CEP152: variants seen among roughly 807,000 people sequenced by gnomAD.
The protein encoded by CEP152 is centrosomal protein of 152 kDa.
A neutral mutation model predicts 188.9 loss-of-function variants in CEP152; 132 were observed. That is an observed-to-expected ratio of 0.70 (90% CI 0.61 to 0.81). CEP152 has a LOEUF of 0.81. Ranked by LOEUF, CEP152 falls within the 30% of genes least tolerant of loss-of-function variation. CEP152 has a pLI of 0.00. For synonymous variants in CEP152, 649 were observed against 666.6 expected (o/e 0.97, Z 0.41); for missense variants, 1,914 against 1,969.8 (o/e 0.97, Z 0.54).
intron 2 of CEP152, among the ~76,000 whole-genome samples, chr15:48,731,190 G>A (rs1385468890): frequency 2.6e-5 from 4 of 152,146 alleles, no homozygotes; most frequent in East Asian, 1.9e-4. Flanking sequence ...AGATGAAAAC[G>A]TTCTAGAGAT....
intron 7 of CEP152, among the ~76,000 whole-genome samples, chr15:48,792,882 T>A: frequency 6.6e-6 from 1 of 152,014 alleles, no homozygotes; most frequent in East Asian, 1.9e-4. Context: ...AATGGCGCTT[T>A]CTCGGCTCAC....
intron 21 of CEP152, among the ~76,000 whole-genome samples, chr15:48,751,089 T>C (rs1388751366): frequency 6.6e-6 from 1 of 152,208 alleles, no homozygotes; most frequent in Non-Finnish European, 1.5e-5. Context: ...CCAACAGTGG[T>C]ACTCTCTGGT....
chr15:48,754,418 C>T (rs1261107202), intron 20 of CEP152, among the ~76,000 whole-genome samples: 1 of 152,082 alleles, frequency 6.6e-6, no homozygotes, highest in Non-Finnish European at 1.5e-5. Context: ...TCGAAACATG[C>T]TTACAAACGA....
chr15:48,760,284 A>C lies in CEP152; in HGVS notation c.2563-18T>G. The C allele has an allele frequency of 6.2e-7, 1 of 1,613,844 alleles. No individual in the cohort carries two copies. The highest frequency in any genetic ancestry group is 8.5e-7 in the Non-Finnish European group (1 of 1,179,840). ...ATTTCTACCTGTAGGACATTGCAAA[A>C]GAAAGAGGTAAAGGGAAGTATAAAA... is the stretch of plus-strand genomic sequence containing the variant. On this transcript the variant is annotated intron_variant, in intron 18 of 26. Transcript: ENST00000380950.
chr15:48,795,488 T>G (rs1184890450), intron 6 of CEP152, among the ~76,000 whole-genome samples: 2 of 152,164 alleles, frequency 1.3e-5, no homozygotes, highest in Non-Finnish European at 2.9e-5. Flanking sequence ...CAAAAAAATA[T>G]ATAAAGTTCA....
chr15:48,752,361 C>G lies in CEP152; in HGVS notation c.3454G>C (p.Glu1152Gln). 6.2e-7 allele frequency: 1 copy of G among 1,614,062 alleles called. No homozygotes were observed. ...AAAATCCAATTACCAGCTTCTGCTTCTGTTGCTTGTAAGGCCAAGGGCTGA... is the reference window on the plus strand; with the variant it reads ...AAAATCCAATTACCAGCTTCTGCTTGTGTTGCTTGTAAGGCCAAGGGCTGA... ...HAQPLALQAT[E>Q]AEADKKKVLE... The change falls in exon 21 of 27, where the codon GAA (glutamate) becomes CAA (glutamine). Residue 1152 changes from glutamate (E) to glutamine (Q), a missense_variant. Physicochemically the swap from Glu to Gln is conservative, Grantham distance 29. Transcript: ENST00000380950.
intron 21 of CEP152, among the ~76,000 whole-genome samples, chr15:48,751,883 A>C (rs1893900142): frequency 6.6e-6 from 1 of 152,106 alleles, no homozygotes; most frequent in South Asian, 2.1e-4. Context: ...TTAATTCATC[A>C]CTCTGCCATA....
At chr15:48,753,200 G>T (rs759392486) in intron 20 of CEP152, among the ~76,000 whole-genome samples, 34 of 152,226 alleles carry the variant, frequency 2.2e-4, no homozygotes, top group Admixed American at 1.0e-3. Flanking sequence ...GGGCATTGGC[G>T]CGATCTCAGC....
At chr15:48,760,689 C>A (rs1894617099) in intron 18 of CEP152, among the ~76,000 whole-genome samples, 1 of 152,046 alleles carries the variant, frequency 6.6e-6, no homozygotes, top group African/African-American at 2.4e-5. Flanking sequence ...ATACACTGAT[C>A]TAGTTTAGAG....
chr15:48,736,662 T>C (rs1195599536), downstream of CEP152, among the ~76,000 whole-genome samples: 2 of 152,212 alleles, frequency 1.3e-5, no homozygotes, highest in African/African-American at 2.4e-5. Flanking sequence ...CAATTGGATA[T>C]AGGATGTATG....
At chr15:48,748,861 A>C (rs1320988094) in intron 21 of CEP152, among the ~76,000 whole-genome samples, 1 of 152,040 alleles carries the variant, frequency 6.6e-6, no homozygotes, top group African/African-American at 2.4e-5. Flanking sequence ...TCTACTTTAA[A>C]AATAGTCATG....
chr15:48,788,704 A>G (rs972660781), intron 9 of CEP152, 97 bp downstream of exon 9: 9 of 1,174,746 alleles, frequency 7.7e-6, no homozygotes, highest in Non-Finnish European at 1.1e-5. Flanking sequence ...TACTACAAAC[A>G]TCCAAGACTT....
At position 48,797,375 on chromosome 15, in the gene CEP152, C is replaced by G; in HGVS notation, c.466G>C (p.Gly156Arg). 11 of 1,613,992 alleles carry G rather than the reference C, an allele frequency of 6.8e-6. No individual in the cohort carries two copies. The highest frequency in any genetic ancestry group is 8.5e-6 in the Non-Finnish European group (10 of 1,179,936). Residue 156 changes from glycine to arginine, a missense_variant, in exon 5 of 27, where the codon GGT (glycine) becomes CGT (arginine). Transcript: ENST00000380950. ...TGGTTATTAAATTCCTGCTTCTGAC[C>G]ATTGGTATATGGCCTAAAGTTTTCA... ...LPENFRPYTN[G>R]QKQEFNNQAT...
chr15:48,738,872 T>A lies in CEP152; in HGVS notation c.4510A>T (p.Asn1504Tyr), dbSNP rs374971886. ...GGGGTACATCTAGGTGAGGGTTTAT[T>A]TCCTAAGGTTCCAAGAAAGGGGTAT... ...AAYPFLGTLG[N>Y]KPSPRCTPGP... The change falls in exon 27 of 27, where the codon AAT becomes TAT. Residue 1504 changes from asparagine (N) to tyrosine (Y), a missense_variant. By Grantham distance (143) the Asn-to-Tyr change is moderately radical. Transcript: ENST00000380950. 6 of 1,614,112 alleles carry A rather than the reference T, an allele frequency of 3.7e-6. No homozygotes were observed. Among genetic ancestry groups the A allele is most frequent in the Admixed American group, 1.7e-5 (1 of 60,010 alleles).
intron 12 of CEP152, among the ~76,000 whole-genome samples, chr15:48,780,008 T>C (rs571387800): frequency 1.8e-4 from 27 of 152,344 alleles, no homozygotes; most frequent in Non-Finnish European, 7.3e-5. Flanking sequence ...CATAGTTTTC[T>C]CCTTGCTAAG....
At position 48,796,034 on chromosome 15, in the gene CEP152, G is replaced by T; in HGVS notation, c.667C>A (p.Gln223Lys). The T allele has an allele frequency of 6.2e-7, 1 of 1,613,836 alleles. No homozygotes were observed. Among genetic ancestry groups the T allele is most frequent in the Non-Finnish European group, 8.5e-7 (1 of 1,179,844 alleles). ...CTCTCATTAGCTCCTAAAAATTGTTGTTGCAGGCCTTCGAATGTGTCACTT... is the reference window on the plus strand; with the variant it reads ...CTCTCATTAGCTCCTAAAAATTGTTTTTGCAGGCCTTCGAATGTGTCACTT... ...TGSDTFEGLQ[Q>K]QFLGANENSA... Residue 223 changes from glutamine (Q) to lysine (K), a missense_variant, in exon 6 of 27, where the codon CAA becomes AAA. Transcript: ENST00000380950.
chr15:48,768,201 CATCTAT>C lies in CEP152; in HGVS notation c.2018+12_2018+17del, dbSNP rs768818098. The C allele has an allele frequency of 2.0e-5, 29 of 1,431,094 alleles. No individual in the cohort carries two copies. In the African/African-American group the frequency reaches 3.5e-4, roughly 17 times the overall value. The allele number at this position is 1,431,094 out of a possible 1,614,324, so 88.6% of individuals were successfully genotyped here. On this transcript the variant is annotated intron_variant, in intron 15 of 26. Transcript: ENST00000380950. ...GGGTACCCAGGAGACAGTCGTCAGG[CATCTAT>C]ATAGACCTTACCTATCCACAGCTTC...
intron 2 of CEP152, among the ~76,000 whole-genome samples, chr15:48,799,580 T>C (rs1178207621): frequency 6.6e-6 from 1 of 152,170 alleles, no homozygotes; most frequent in Non-Finnish European, 1.5e-5. Context: ...CTTTTAACGC[T>C]AACATTAACA....
At position 48,744,275 on chromosome 15, in the gene CEP152, C is replaced by T. The variant is rs750366915; in HGVS notation, c.3800G>A (p.Arg1267His). 3.2e-5 allele frequency: 52 copies of T among 1,613,882 alleles called. 1 individual carries two copies. The highest frequency in any genetic ancestry group is 6.6e-5 in the South Asian group (6 of 91,092). The change falls in exon 24 of 27, where the codon CGT becomes CAT. Residue 1267 changes from arginine to histidine, a missense_variant. By Grantham distance (29) the Arg-to-His change is conservative (BLOSUM62 0). Transcript: ENST00000380950. ...TTTTACAGCTTTAATGTACTGCCCA[C>T]GAAGTTCTTCCAAGGCTCCCCCACT... is the stretch of plus-strand genomic sequence containing the variant. Reference protein sequence around the residue: ...PCSGGALEELRGQYIKAVKKI... With the variant: ...PCSGGALEELHGQYIKAVKKI...
Sources: gnomAD v4.1 joint callset for allele counts (sites outside exome capture counted in the v4.1 genomes callset) on GRCh38, gnomAD v4.1.1 for gene constraint, MANE v1.5 for transcripts, NCBI Gene and HGNC (gene_info 2026-07-23, HGNC 2026-07-21) for gene names.